UTRN: variants seen among roughly 807,000 people sequenced by gnomAD.
The protein encoded by UTRN is dystrophin-related protein 1.
UTRN carries 283 observed loss-of-function variants against 463.9 expected under a neutral mutation model. That is an observed-to-expected ratio of 0.61 (90% CI 0.55 to 0.67). UTRN has a LOEUF of 0.67. Ranked by LOEUF, UTRN falls within the 30% of genes least tolerant of loss-of-function variation. The pLI, the probability that UTRN is intolerant of heterozygous loss-of-function variation, is 0.00. For synonymous variants in UTRN, 1,442 were observed against 1,431.5 expected, an observed-to-expected ratio of 1.01 and a Z score of -0.17; for missense variants, 3,922 against 4,084.3, an observed-to-expected ratio of 0.96 and a Z score of 1.08.
chr6:144,490,841 G>A (rs1792991969), intron 31 of UTRN, 88 bp from the exon 32 acceptor site: 8 of 1,411,494 alleles, frequency 5.7e-6, no homozygotes, highest in Middle Eastern at 1.9e-4. Context: ...GTACTTTATG[G>A]TACAAATTTT....
intron 52 of UTRN, among the ~76,000 whole-genome samples, chr6:144,695,960 A>C (rs1021917716): frequency 4.6e-5 from 7 of 152,212 alleles, no homozygotes; most frequent in African/African-American, 1.7e-4. Flanking sequence ...ATCTTTATTA[A>C]CATGGTTTCA....
In UTRN at chr6:144,316,374, G is replaced by A. The variant is rs117611332; in HGVS notation, c.79+24467G>A. Among the ~76,000 whole-genome samples, 186 of 152,262 alleles carry A rather than the reference G, an allele frequency of 1.2e-3. 1 individual carries two copies. The East Asian group carries it at 0.029, about 24-fold the overall frequency. ...TGCTGTCATGTTGAAAGAAAACATC[G>A]GAAATGAGAGGGTCTGGGTAAATAT... On this transcript the variant is annotated intron_variant, in intron 2 of 74. Transcript: ENST00000367545.
At chr6:144,763,192 C>G (rs1255930798) in intron 58 of UTRN, among the ~76,000 whole-genome samples, 1 of 152,174 alleles carries the variant, frequency 6.6e-6, no homozygotes, top group Non-Finnish European at 1.5e-5. Context: ...TGACATTCCT[C>G]AATATTGCAA....
chr6:144,328,906 C>A (rs953084894), intron 2 of UTRN, among the ~76,000 whole-genome samples: 16 of 152,052 alleles, frequency 1.1e-4, no homozygotes, highest in Non-Finnish European at 1.3e-4. Flanking sequence ...GCCTCAGTCT[C>A]CCAAGTAGCT....
At chr6:144,631,237 GGTGT>G (rs67332744) in intron 51 of UTRN, among the ~76,000 whole-genome samples, 10,886 of 147,432 alleles carry the variant, frequency 0.074, 440 homozygotes, top group Admixed American at 0.11. Flanking sequence ...GAGAGAGAGA[GGTGT>G]GTGTGTGTGT....
intron 51 of UTRN, among the ~76,000 whole-genome samples, chr6:144,650,220 A>T (rs1778667631): frequency 6.6e-6 from 1 of 152,184 alleles, no homozygotes; most frequent in South Asian, 2.1e-4. Context: ...TCATGATTTA[A>T]TTACCTCCCA....
At chr6:144,811,674 T>A (rs1778624518) in intron 65 of UTRN, among the ~76,000 whole-genome samples, 1 of 152,082 alleles carries the variant, frequency 6.6e-6, no homozygotes, top group African/African-American at 2.4e-5. Context: ...CATTCAAATG[T>A]GTCTGAATTT....
chr6:144,451,502 C>T lies in UTRN; in HGVS notation c.2196+9C>T. The T allele has an allele frequency of 1.2e-6, 2 of 1,607,334 alleles. No homozygotes were observed. Among genetic ancestry groups the T allele is most frequent in the South Asian group, 1.1e-5 (1 of 90,460 alleles). ...TGAAAAAGAAGTTGAAGGTAAAAAA[C>T]ATAAACCACATATATCCTAGTGCAT... is the stretch of plus-strand genomic sequence containing the variant. On this transcript the variant is annotated intron_variant, in intron 18 of 74. Transcript: ENST00000367545.
chr6:144,386,760 G>T (rs965117616), intron 2 of UTRN, among the ~76,000 whole-genome samples: 2 of 151,848 alleles, frequency 1.3e-5, no homozygotes, highest in African/African-American at 2.4e-5. Context: ...GCATTTTAGC[G>T]GATGTGCAAT....
At chr6:144,530,724 G>A (rs912031949) in intron 41 of UTRN, among the ~76,000 whole-genome samples, 3 of 152,030 alleles carry the variant, frequency 2.0e-5, no homozygotes, top group Non-Finnish European at 4.4e-5. Flanking sequence ...AAAGCTGCTC[G>A]AGTGTGTGTG....
At chr6:144,746,947 C>T (rs1790812722) in intron 54 of UTRN, among the ~76,000 whole-genome samples, 2 of 152,284 alleles carry the variant, frequency 1.3e-5, no homozygotes, top group Admixed American at 6.5e-5. Flanking sequence ...TGCTAAATAT[C>T]AATGTCTAGA....
rs766257962 is a variant in UTRN, at chr6:144,482,398, T to A, written c.3687+10T>A. On this transcript the variant is annotated intron_variant, in intron 27 of 74. Coordinates refer to ENST00000367545, the MANE Select transcript of UTRN (RefSeq NM_007124.3). ...GTGCCACACGCTAGAGGTATGCTAT[T>A]ATTATTATTGTTGTTATTATTATTA... 7.3e-7 allele frequency: 1 copy of A among 1,362,232 alleles called. No individual in the cohort carries two copies. The highest frequency in any genetic ancestry group is 2.7e-5 in the East Asian group (1 of 37,070). 84.4% of individuals were successfully genotyped at this position (1,362,232 alleles called of 1,614,324 possible).
chr6:144,717,072 C>T (rs989189198), intron 53 of UTRN, among the ~76,000 whole-genome samples: 1 of 152,200 alleles, frequency 6.6e-6, no homozygotes, highest in Non-Finnish European at 1.5e-5. Flanking sequence ...TATTGCCAGC[C>T]TACTTTCCCA....
At chr6:144,485,823 T>C (rs944095420) in intron 28 of UTRN, among the ~76,000 whole-genome samples, 5 of 152,242 alleles carry the variant, frequency 3.3e-5, no homozygotes, top group Admixed American at 3.3e-4. Context: ...AGCTCTGCCA[T>C]ATGTTATTAG....
At chr6:144,326,302 CTTAG>C (rs1775969167) in intron 2 of UTRN, among the ~76,000 whole-genome samples, 1 of 151,666 alleles carries the variant, frequency 6.6e-6, no homozygotes, top group Non-Finnish European at 1.5e-5. Flanking sequence ...AACATGGTCC[CTTAG>C]TTTTTTTTTT....
intron 65 of UTRN, among the ~76,000 whole-genome samples, chr6:144,807,984 T>C (rs1346602596): frequency 6.6e-6 from 1 of 152,128 alleles, no homozygotes. Context: ...AAAAACTAAG[T>C]CTTAGAGAAG....
intron 1 of UTRN, among the ~76,000 whole-genome samples, chr6:144,287,598 TA>T (rs1281669083): frequency 6.6e-6 from 1 of 152,254 alleles, no homozygotes; most frequent in Non-Finnish European, 1.5e-5. Flanking sequence ...AAAAATTATA[TA>T]CATATATTCA....
rs1586275144 is a variant in UTRN at position 144,732,313 on chromosome 6, A to AT, written c.7939+1827_7939+1828insT. Among the ~76,000 whole-genome samples the AT allele has an allele frequency of 6.2e-5, 9 of 145,176 alleles. No individual in the cohort carries two copies. The South Asian group carries it at 6.6e-4, about 11-fold the overall frequency. ...ATATATATACACATATATATATATA[A>AT]AAAATGTATACACACACACGTACAT... On this transcript the variant is annotated intron_variant, in intron 54 of 74. Coordinates refer to ENST00000367545, the MANE Select transcript of UTRN (RefSeq NM_007124.3).
chr6:144,613,008 G>A (rs989878355), intron 51 of UTRN, among the ~76,000 whole-genome samples: 9 of 151,996 alleles, frequency 5.9e-5, no homozygotes, highest in African/African-American at 1.9e-4. Flanking sequence ...CTCCATAATG[G>A]TATACTATTC....
Sources: gnomAD v4.1 joint callset for allele counts (sites outside exome capture counted in the v4.1 genomes callset) on GRCh38, gnomAD v4.1.1 for gene constraint, MANE v1.5 for transcripts, NCBI Gene and HGNC (gene_info 2026-07-23, HGNC 2026-07-21) for gene names.